MYO10: variants seen among roughly 807,000 people sequenced by gnomAD.
MYO10 encodes myosin X.
A neutral mutation model predicts 257.3 loss-of-function variants in MYO10; 133 were observed. The observed-to-expected ratio is 0.52, with a 90% CI of 0.45 to 0.60. MYO10 has a LOEUF of 0.60. MYO10 is among the 20% of genes least tolerant of loss of function. The pLI is 0.00. For missense variants in MYO10, 2,399 were observed against 2,635.7 expected (o/e 0.91, Z 1.97); for synonymous variants, 1,104 against 1,028.6 (o/e 1.07, Z -1.40).
At chr5:16,829,006 A>T (rs1453493339) in intron 2 of MYO10, among the ~76,000 whole-genome samples, 3 of 152,196 alleles carry the variant, frequency 2.0e-5, no homozygotes, top group Non-Finnish European at 2.9e-5. Flanking sequence ...ATGATTAATT[A>T]AACAGCCCCT....
At chr5:16,754,520 G>A (rs1740473352) in intron 19 of MYO10, among the ~76,000 whole-genome samples, 1 of 150,426 alleles carries the variant, frequency 6.6e-6, no homozygotes, top group Non-Finnish European at 1.5e-5. Context: ...GTAAAATGAT[G>A]TATCACACTC....
chr5:16,763,414 C>T, intron 14 of MYO10, 67 bp downstream of exon 14: 1 of 1,243,312 alleles, frequency 8.0e-7, no homozygotes, highest in Non-Finnish European at 1.2e-6. Context: ...TTATTTTGTT[C>T]CCATAAATAT....
intron 19 of MYO10, among the ~76,000 whole-genome samples, chr5:16,731,946 T>A (rs981503537): frequency 1.3e-5 from 2 of 152,012 alleles, no homozygotes; most frequent in African/African-American, 4.8e-5. Context: ...GGCTGAGTGA[T>A]AAACCAAGCA....
chr5:16,679,804 C>T (rs576957556), intron 33 of MYO10, 143 bp downstream of exon 33: 9 of 1,099,070 alleles, frequency 8.2e-6, no homozygotes, highest in Admixed American at 2.8e-5. Context: ...GAATTACAGG[C>T]GTGAGCCACC....
chr5:16,723,394 A>C (rs1225703023), intron 19 of MYO10, among the ~76,000 whole-genome samples: 1 of 152,150 alleles, frequency 6.6e-6, no homozygotes, highest in African/African-American at 2.4e-5. Flanking sequence ...TCTCAAAAAA[A>C]AAGAAAAAAA....
At chr5:16,850,864 T>G (rs151144600) in intron 2 of MYO10, among the ~76,000 whole-genome samples, 2 of 151,836 alleles carry the variant, frequency 1.3e-5, no homozygotes, top group Admixed American at 1.3e-4. Flanking sequence ...TGCAGTTGCA[T>G]GATCTCAGCT....
At chr5:16,676,388 TA>T (rs1267153999) in intron 33 of MYO10, among the ~76,000 whole-genome samples, 1 of 152,206 alleles carries the variant, frequency 6.6e-6, no homozygotes, top group East Asian at 1.9e-4. Flanking sequence ...CATGTGATTT[TA>T]AATTTTCTCC....
At position 16,830,432 on chromosome 5, in the gene MYO10, T is replaced by A. The variant is rs149837065; in HGVS notation, c.121-12265A>T. ...AAAAGCATCCTTGTTGTTTTCGTTATGCTAAGATGTGTAATTAGAACGCTT... is the reference window on the plus strand; with the variant it reads ...AAAAGCATCCTTGTTGTTTTCGTTAAGCTAAGATGTGTAATTAGAACGCTT... On this transcript the variant is annotated intron_variant, in intron 2 of 40. Coordinates refer to ENST00000513610, the MANE Select transcript of MYO10 (RefSeq NM_012334.3). 7.1e-3 allele frequency among the ~76,000 whole-genome samples: 1,081 copies of A among 152,202 alleles called. 17 individuals carry two copies. Among genetic ancestry groups the A allele is most frequent in the African/African-American group, 0.025 (1,029 of 41,536 alleles).
chr5:16,796,246 CGA>C (rs59125385), intron 3 of MYO10, among the ~76,000 whole-genome samples: 63,643 of 115,038 alleles, frequency 0.55, 18,364 homozygotes, highest in South Asian at 0.65. Context: ...AGCGAGCGTG[CGA>C]GAGAGAGAGA....
chr5:16,935,931 TC>T lies in MYO10; in HGVS notation c.-124del, dbSNP rs938368639. On this transcript the variant is annotated 5_prime_UTR_variant, in exon 1 of 41. The change abolishes the stop of an existing upstream ORF in the 5' untranslated region. Transcript: ENST00000513610. The stretch of plus-strand genomic sequence containing the variant: ...TCCCGAGGACGCGCGCCCGCGGGGC[TC>T]CCCTGCTGCCATCGCCCGGTCCCTT... 4.6e-5 allele frequency: 56 copies of T among 1,206,786 alleles called. No homozygotes were observed. The highest frequency in any genetic ancestry group is 6.3e-5 in the Non-Finnish European group (53 of 843,070). 74.8% of individuals were successfully genotyped at this position (1,206,786 alleles called of 1,614,324 possible). A position where few individuals can be genotyped will look rare whatever the true frequency, so the allele number is the denominator to read the frequency against.
At chr5:16,859,019 T>C (rs1322460383) in intron 2 of MYO10, among the ~76,000 whole-genome samples, 1 of 152,062 alleles carries the variant, frequency 6.6e-6, no homozygotes, top group Non-Finnish European at 1.5e-5. Flanking sequence ...CTCTCCAACA[T>C]GGGGCTCCTG....
chr5:16,794,026 G>T (rs982184999), intron 4 of MYO10, among the ~76,000 whole-genome samples: 1 of 151,862 alleles, frequency 6.6e-6, no homozygotes, highest in East Asian at 1.9e-4. Context: ...TTGTAAAAGC[G>T]AGTACGACTC....
In MYO10 at chr5:16,757,294, ACACACAAACACACACACACACG is replaced by A. The variant is rs1310829768; in HGVS notation, c.1848+802_1848+823del. Among the ~76,000 whole-genome samples, 9 of 78,272 alleles carry A rather than the reference ACACACAAACACACACACACACG, an allele frequency of 1.1e-4. 1 individual carries two copies. The South Asian group carries it at 1.3e-3, about 11-fold the overall frequency. 51.3% of individuals were successfully genotyped at this position (78,272 alleles called of 152,430 possible). ...GACAGAACAAGACCCTGTCTCACAC[ACACACAAACACACACACACACG>A]CACACACACACACACACACACACAC... On this transcript the variant is annotated intron_variant, in intron 18 of 40. Coordinates refer to ENST00000513610, the MANE Select transcript of MYO10 (RefSeq NM_012334.3).
At chr5:16,927,003 C>T (rs1389122151) in intron 1 of MYO10, among the ~76,000 whole-genome samples, 3 of 152,304 alleles carry the variant, frequency 2.0e-5, no homozygotes, top group African/African-American at 7.2e-5. Context: ...TTTGTTGATT[C>T]TGCCCTAATG....
chr5:16,746,156 C>T (rs1354389535), intron 19 of MYO10, among the ~76,000 whole-genome samples: 3 of 152,092 alleles, frequency 2.0e-5, no homozygotes, highest in East Asian at 1.9e-4. Flanking sequence ...CCTTTTTAGA[C>T]GATATAGGGT....
At chr5:16,895,508 G>A (rs1041988223) in intron 1 of MYO10, among the ~76,000 whole-genome samples, 12 of 151,990 alleles carry the variant, frequency 7.9e-5, no homozygotes, top group Non-Finnish European at 1.8e-4. Context: ...ATCTAGACCA[G>A]AACAAAGGCC....
chr5:16,733,221 T>C (rs901407487), intron 19 of MYO10, among the ~76,000 whole-genome samples: 1 of 152,050 alleles, frequency 6.6e-6, no homozygotes, highest in Non-Finnish European at 1.5e-5. Flanking sequence ...ACCAAACAGA[T>C]GCCAAATATT....
intron 26 of MYO10, among the ~76,000 whole-genome samples, chr5:16,696,124 C>A (rs1279620898): frequency 6.6e-6 from 1 of 152,180 alleles, no homozygotes; most frequent in African/African-American, 2.4e-5. Flanking sequence ...AGAGTCATCA[C>A]GACAGCTCTC....
chr5:16,667,473 C>T (rs1308357649), intron 40 of MYO10, among the ~76,000 whole-genome samples: 1 of 152,172 alleles, frequency 6.6e-6, no homozygotes, highest in Admixed American at 6.5e-5. Context: ...TCTGTAAATT[C>T]ACTGTTATGC....
Sources: gnomAD v4.1 joint callset for allele counts (sites outside exome capture counted in the v4.1 genomes callset) on GRCh38, gnomAD v4.1.1 for gene constraint, MANE v1.5 for transcripts, NCBI Gene and HGNC (gene_info 2026-07-23, HGNC 2026-07-21) for gene names.